Variants in AUH observed in about 807,000 individuals in gnomAD.
AUH encodes AU RNA binding methylglutaconyl-CoA hydratase.
In AUH, 29 loss-of-function variants were observed where a neutral mutation model predicts 42.3. The ratio of observed to expected loss-of-function variants is 0.69; its 90% CI spans 0.51 to 0.93. AUH has a LOEUF of 0.93. Among genes scored for constraint, AUH ranks in the 40% least tolerant of loss-of-function variants. The probability of loss-of-function intolerance (pLI) is 0.00; values close to 1 mark genes in which losing one functional copy is unlikely to be tolerated. For missense variants in AUH, 452 were observed against 438.1 expected (o/e 1.03, Z -0.28); for synonymous variants, 174 against 166.4 (o/e 1.05, Z -0.35).
chr9:91,325,275 G>T, intron 4 of AUH, 43 bp downstream of exon 4: 2 of 1,494,436 alleles, frequency 1.3e-6, no homozygotes, highest in South Asian at 1.1e-5. Context: ...TGACATTTAA[G>T]AACCCCTTCG....
intron 6 of AUH, among the ~76,000 whole-genome samples, chr9:91,245,255 A>AC (rs776957099): frequency 2.0e-4 from 31 of 152,232 alleles, no homozygotes; most frequent in Admixed American, 1.1e-3. Context: ...AGCATGGCCT[A>AC]CCCCAGGCAC....
intron 6 of AUH, among the ~76,000 whole-genome samples, chr9:91,273,194 C>G (rs1825290025): frequency 6.6e-6 from 1 of 152,196 alleles, no homozygotes; most frequent in South Asian, 2.1e-4. Context: ...AAGGACCCTG[C>G]TGCCCTGGGC....
Position 91,325,402 on chromosome 9 carries a change from C to A in AUH, c.421G>T (p.Ala141Ser). 9.3e-6 allele frequency: 15 copies of A among 1,613,386 alleles called. No individual in the cohort carries two copies. The highest frequency in any genetic ancestry group is 1.3e-5 in the Non-Finnish European group (15 of 1,179,526). The change falls in exon 4 of 10, where the codon GCT becomes TCT. Residue 141 changes from alanine (A) to serine (S), a missense_variant and splice_region_variant. Physicochemically the swap from Ala to Ser is moderately conservative, Grantham distance 99. Coordinates refer to ENST00000375731, the MANE Select transcript of AUH (RefSeq NM_001698.3). ...SEVPGIFCAGADLKERAKMSS... is the reference protein window; with the variant it reads ...SEVPGIFCAGSDLKERAKMSS... ...ATTTTGGCTCTTTCCTTAAGGTCAGCACCTGCAAAGTATTTTATTTACAAA... is the reference window on the plus strand; with the variant it reads ...ATTTTGGCTCTTTCCTTAAGGTCAGAACCTGCAAAGTATTTTATTTACAAA...
At chr9:91,315,673 G>T (rs534319617) in intron 4 of AUH, among the ~76,000 whole-genome samples, 3 of 152,150 alleles carry the variant, frequency 2.0e-5, no homozygotes, top group Non-Finnish European at 4.4e-5. Flanking sequence ...TCTAAAAATT[G>T]GTCTTATTTG....
intron 9 of AUH, 81 bp from the exon 10 acceptor site, chr9:91,214,506 C>T: frequency 2.6e-6 from 3 of 1,164,956 alleles, no homozygotes; most frequent in Non-Finnish European, 3.6e-6. Context: ...AAGAAAACTA[C>T]TTAGAACCAC....
chr9:91,215,989 T>C (rs1826796965), intron 9 of AUH, 70 bp downstream of exon 9: 2 of 1,478,070 alleles, frequency 1.4e-6, no homozygotes, highest in South Asian at 1.1e-5. Context: ...TGAAATTCAT[T>C]TGAATTATAC....
At chr9:91,300,245 A>G (rs1827679068) in intron 4 of AUH, among the ~76,000 whole-genome samples, 1 of 152,076 alleles carries the variant, frequency 6.6e-6, no homozygotes, top group South Asian at 2.1e-4. Flanking sequence ...ATTCTCATCC[A>G]CAACTTTTAC....
chr9:91,232,451 TA>T (rs1030473554), intron 6 of AUH, among the ~76,000 whole-genome samples: 6 of 152,110 alleles, frequency 3.9e-5, no homozygotes, highest in Non-Finnish European at 7.4e-5. Context: ...AAATAAATTT[TA>T]AAAAACAAGT....
At chr9:91,228,391 G>A (rs1400264253) in intron 6 of AUH, among the ~76,000 whole-genome samples, 9 of 149,192 alleles carry the variant, frequency 6.0e-5, no homozygotes, top group Admixed American at 6.0e-4. Flanking sequence ...TGTGGGATCG[G>A]TGGTGATATC....
At chr9:91,316,987 T>C (rs1007373379) in intron 4 of AUH, among the ~76,000 whole-genome samples, 5 of 152,226 alleles carry the variant, frequency 3.3e-5, no homozygotes, top group Non-Finnish European at 5.9e-5. Context: ...CTTCTAAACA[T>C]ATTAAGTCTT....
Position 91,356,077 on chromosome 9 carries a change from T to C in AUH, c.330+11A>G. 6.2e-7 allele frequency: 1 copy of C among 1,610,884 alleles called. No homozygotes were observed. The highest frequency in any genetic ancestry group is 1.3e-5 in the African/African-American group (1 of 74,990). ...AATATTAGAAGCAAACAGTTTAATC[T>C]TTACACTCACCATTTTTATAAGATT... On this transcript the variant is annotated intron_variant, in intron 2 of 9. Transcript: ENST00000375731.
chr9:91,309,791 A>G (rs561787039), intron 4 of AUH, among the ~76,000 whole-genome samples: 1 of 152,346 alleles, frequency 6.6e-6, no homozygotes, highest in African/African-American at 2.4e-5. Flanking sequence ...ACAAACCTGC[A>G]CATGTATCCC....
intron 5 of AUH, among the ~76,000 whole-genome samples, chr9:91,296,747 C>T (rs1191221438): frequency 6.6e-6 from 1 of 152,074 alleles, no homozygotes; most frequent in African/African-American, 2.4e-5. Context: ...GATTTCATTA[C>T]AAGAAAATAG....
intron 7 of AUH, among the ~76,000 whole-genome samples, chr9:91,218,343 C>T (rs183515518): frequency 1.6e-4 from 24 of 152,292 alleles, no homozygotes; most frequent in Non-Finnish European, 2.6e-4. Flanking sequence ...TTGTATATAT[C>T]ATAGACACCA....
intron 6 of AUH, among the ~76,000 whole-genome samples, chr9:91,248,446 C>T (rs1199017720): frequency 1.3e-5 from 2 of 152,044 alleles, no homozygotes; most frequent in Non-Finnish European, 2.9e-5. Flanking sequence ...AAGTTCCTAA[C>T]AATATTGGAT....
At chr9:91,323,536 T>C (rs1007402118) in intron 4 of AUH, among the ~76,000 whole-genome samples, 1 of 151,908 alleles carries the variant, frequency 6.6e-6, no homozygotes, top group Non-Finnish European at 1.5e-5. Flanking sequence ...GGCAGGAGAA[T>C]TGCTTGAACC....
In AUH at chr9:91,357,374, T is replaced by C. The variant is rs915220389; in HGVS notation, c.263-1219A>G. ...CAGCTATTAAGTGGTAATCTAACTC[T>C]ATACTTGAATAAAACTGTGTTACAC... On this transcript the variant is annotated intron_variant, in intron 1 of 9. Coordinates refer to ENST00000375731, the MANE Select transcript of AUH (RefSeq NM_001698.3). 3 of 470,192 alleles carry C rather than the reference T, an allele frequency of 6.4e-6. No homozygotes were observed. The East Asian group carries it at 4.6e-4, about 72-fold the overall frequency. The allele number at this position is 470,192 out of a possible 1,614,324, so 29.1% of individuals were successfully genotyped here.
chr9:91,334,232 G>A (rs1830534683), intron 3 of AUH, among the ~76,000 whole-genome samples: 1 of 152,186 alleles, frequency 6.6e-6, no homozygotes. Context: ...CACTTTATGT[G>A]TCTACTTGTC....
In AUH at chr9:91,217,274, T is replaced by C. The variant is rs931917327; in HGVS notation, c.894+3A>G. 6 of 1,613,308 alleles carry C rather than the reference T, an allele frequency of 3.7e-6. No individual in the cohort carries two copies. Among genetic ancestry groups the C allele is most frequent in the Admixed American group, 1.7e-5 (1 of 60,028 alleles). ...AAACAAACTCAAGCATTAAGGAACC[T>C]ACCTCCATCCCTTGATTAATTGCTA... On this transcript the variant is annotated splice_donor_region_variant and intron_variant, in intron 8 of 9. Transcript: ENST00000375731.
Sources: allele counts gnomAD v4.1 joint callset (sites outside exome capture counted in the v4.1 genomes callset), GRCh38; gene constraint gnomAD v4.1.1; transcripts MANE v1.5; gene names NCBI Gene and HGNC (gene_info 2026-07-23, HGNC 2026-07-21).